Variants in CCDC38 observed in about 807,000 individuals in gnomAD.
CCDC38 encodes the protein coiled-coil domain containing 38, also known as coiled-coil domain-containing protein 38.
CCDC38 carries 69 observed loss-of-function variants against 72.8 expected under a neutral mutation model. The observed-to-expected ratio is 0.95, with a 90% CI of 0.78 to 1.16. CCDC38 has a LOEUF of 1.16. CCDC38 is among the 50% of genes most tolerant of loss of function. The pLI is 0.00. For synonymous variants in CCDC38, 201 were observed against 213.2 expected (o/e 0.94, Z 0.50); for missense variants, 626 against 638.9 (o/e 0.98, Z 0.22).
At chr12:95,919,651 A>C (rs993404176) in intron 2 of CCDC38, 6 of 455,736 alleles carry the variant, frequency 1.3e-5, no homozygotes, top group Non-Finnish European at 2.2e-5. Flanking sequence ...TGATAAAATA[A>C]GGAGGTCTTT....
intron 2 of CCDC38, among the ~76,000 whole-genome samples, chr12:95,919,283 C>G (rs1352792420): frequency 2.0e-5 from 3 of 152,330 alleles, no homozygotes; most frequent in Admixed American, 6.5e-5. Flanking sequence ...GGTACAGAAA[C>G]AGCTGGATTG....
At chr12:95,906,539 T>C (rs929727814) in intron 4 of CCDC38, 88 bp from the exon 5 acceptor site, 21 of 897,906 alleles carry the variant, frequency 2.3e-5, no homozygotes, top group Non-Finnish European at 3.6e-5. Flanking sequence ...TAAATTATTC[T>C]ACAGTATGTA....
At chr12:95,876,856 C>G (rs2079641657) in intron 13 of CCDC38, among the ~76,000 whole-genome samples, 1 of 152,158 alleles carries the variant, frequency 6.6e-6, no homozygotes, top group South Asian at 2.1e-4. Flanking sequence ...CAGGCCAGGT[C>G]TCACTAACGC....
chr12:95,909,626 G>A (rs1242429900), intron 4 of CCDC38, among the ~76,000 whole-genome samples: 1 of 152,032 alleles, frequency 6.6e-6, no homozygotes, highest in South Asian at 2.1e-4. Context: ...CACTATCCTT[G>A]ATGAACATAG....
Position 95,888,902 on chromosome 12 carries a change from T to G in CCDC38, c.872-396A>C, listed in dbSNP as rs554467712. ...GTTTGTCTTTGTGTACGTGGGGTCT[T>G]GAAGAGCACCTGAAACATTTATGTC... is the stretch of plus-strand genomic sequence containing the variant. On this transcript the variant is annotated intron_variant, in intron 9 of 15. Coordinates refer to ENST00000344280, the MANE Select transcript of CCDC38 (RefSeq NM_182496.3). 4.6e-4 allele frequency among the ~76,000 whole-genome samples: 70 copies of G among 151,914 alleles called. 1 individual carries two copies. The highest frequency in any genetic ancestry group is 1.2e-4 in the Non-Finnish European group (8 of 67,978).
chr12:95,900,595 G>A (rs113310108), intron 5 of CCDC38, among the ~76,000 whole-genome samples: 32 of 152,228 alleles, frequency 2.1e-4, no homozygotes, highest in African/African-American at 7.0e-4. Flanking sequence ...TTTTGCTTTT[G>A]GATCTATTTC....
At chr12:95,876,237 T>G (rs2079633809) in intron 13 of CCDC38, among the ~76,000 whole-genome samples, 1 of 152,188 alleles carries the variant, frequency 6.6e-6, no homozygotes, top group African/African-American at 2.4e-5. Context: ...GTGACGTACC[T>G]AGAATAGTCA....
chr12:95,918,688 T>C (rs1203571577), intron 3 of CCDC38, among the ~76,000 whole-genome samples, 188 bp downstream of exon 3: 3 of 152,210 alleles, frequency 2.0e-5, no homozygotes, highest in Non-Finnish European at 2.9e-5. Context: ...GCGATCTTTG[T>C]GCTGCCTACT....
chr12:95,889,213 G>A (rs2079796066), intron 9 of CCDC38: 1 of 156,472 alleles, frequency 6.4e-6, no homozygotes, highest in African/African-American at 2.4e-5. Flanking sequence ...TTTCACCATG[G>A]TGGCCAGGCT....
chr12:95,912,395 G>A (rs1263799340), intron 4 of CCDC38, among the ~76,000 whole-genome samples: 2 of 151,962 alleles, frequency 1.3e-5, no homozygotes, highest in African/African-American at 2.4e-5. Flanking sequence ...TCATCCCTAC[G>A]TGGAAGCTAA....
At position 95,879,798 on chromosome 12, in the gene CCDC38, A is replaced by G; in HGVS notation, c.991-3T>C. ...TCCTTGAAATAAAGTGCTGGCTCCTAATTAATCAATAATGAAGAATATAAT... is the reference window on the plus strand; with the variant it reads ...TCCTTGAAATAAAGTGCTGGCTCCTGATTAATCAATAATGAAGAATATAAT... On this transcript the variant is annotated splice_polypyrimidine_tract_variant and splice_region_variant and intron_variant, in intron 11 of 15. Transcript: ENST00000344280. This position sits in a 1 kb window ranked among gnomAD's most constrained non-coding sequence, Gnocchi z 5.5. 2 of 1,587,988 alleles carry G rather than the reference A, an allele frequency of 1.3e-6. No individual in the cohort carries two copies. The highest frequency in any genetic ancestry group is 2.3e-5 in the South Asian group (2 of 87,356).
rs1432914169 is a variant in CCDC38 at position 95,879,999 on chromosome 12, T to C, written c.991-204A>G. 1 of 350,334 alleles carries C rather than the reference T, an allele frequency of 2.9e-6. No homozygotes were observed. The highest frequency in any genetic ancestry group is 5.1e-6 in the Non-Finnish European group (1 of 194,434). The allele number at this position is 350,334 out of a possible 1,614,324, so 21.7% of individuals were successfully genotyped here. A position where few individuals can be genotyped will look rare whatever the true frequency, so the allele number is the denominator to read the frequency against. On this transcript the variant is annotated intron_variant, in intron 11 of 15. Coordinates refer to ENST00000344280, the MANE Select transcript of CCDC38 (RefSeq NM_182496.3). The surrounding 1 kb of genome is among the most constrained non-coding windows in gnomAD (Gnocchi z 5.5). ...GCACATTTGCAGTGTTGTGGGGAGA[T>C]GAGGGTATTAAAAAAGGGATGGGGA... is the stretch of plus-strand genomic sequence containing the variant.
chr12:95,931,182 A>G (rs528047956), intron 2 of CCDC38, among the ~76,000 whole-genome samples: 8 of 152,302 alleles, frequency 5.3e-5, no homozygotes, highest in African/African-American at 1.7e-4. Context: ...CCAGGTGAGA[A>G]TCAGTTTCCT....
chr12:95,875,464 T>A (rs2079625882), intron 13 of CCDC38, among the ~76,000 whole-genome samples: 1 of 152,150 alleles, frequency 6.6e-6, no homozygotes, highest in Admixed American at 6.5e-5. Flanking sequence ...AGACTAAAAT[T>A]CATTTCATAC....
chr12:95,879,583 G>A lies in CCDC38; in HGVS notation c.1142+61C>T. 8.2e-7 allele frequency: 1 copy of A among 1,226,064 alleles called. No homozygotes were observed. Among genetic ancestry groups the A allele is most frequent in the African/African-American group, 1.5e-5 (1 of 66,422 alleles). 75.9% of individuals were successfully genotyped at this position (1,226,064 alleles called of 1,614,324 possible). A position where few individuals can be genotyped will look rare whatever the true frequency, so the allele number is the denominator to read the frequency against. ...GGAAGAGCCACATGTGAGTGAGTTG[G>A]ACCCAGGCTCTGGTTAGAAATTGCT... is the stretch of plus-strand genomic sequence containing the variant. On this transcript the variant is annotated intron_variant, in intron 12 of 15. Coordinates refer to ENST00000344280, the MANE Select transcript of CCDC38 (RefSeq NM_182496.3). The surrounding 1 kb of genome is among the most constrained non-coding windows in gnomAD (Gnocchi z 5.5).
chr12:95,923,649 G>A (rs1490384115), intron 2 of CCDC38, among the ~76,000 whole-genome samples: 8 of 151,796 alleles, frequency 5.3e-5, no homozygotes, highest in South Asian at 2.1e-4. Context: ...CCACTAACTC[G>A]TCATCTAGCA....
At position 95,925,551 on chromosome 12, in the gene CCDC38, G is replaced by T. The variant is rs183846460; in HGVS notation, c.38-6575C>A. On this transcript the variant is annotated intron_variant, in intron 2 of 15. Transcript: ENST00000344280. ...CTTTATTTCCTTCTCCTGCCTGATTGCCCTGGCCAGAACTTCCAACACGAT... is the reference window on the plus strand; with the variant it reads ...CTTTATTTCCTTCTCCTGCCTGATTTCCCTGGCCAGAACTTCCAACACGAT... 9.9e-3 allele frequency among the ~76,000 whole-genome samples: 1,497 copies of T among 151,508 alleles called. 11 individuals carry two copies. The highest frequency in any genetic ancestry group is 0.034 in the African/African-American group (1,404 of 40,858).
At chr12:95,928,585 A>T (rs1042058254) in intron 2 of CCDC38, among the ~76,000 whole-genome samples, 72 of 152,340 alleles carry the variant, frequency 4.7e-4, no homozygotes, top group African/African-American at 1.7e-3. Context: ...CTGGTGAGGA[A>T]CTGCGTTCCT....
chr12:95,932,605 T>C (rs144740798), intron 2 of CCDC38, among the ~76,000 whole-genome samples: 88 of 152,290 alleles, frequency 5.8e-4, no homozygotes, highest in African/African-American at 2.0e-3. Context: ...CTGCATAACA[T>C]AATCTTAAAA....
Sources: gnomAD v4.1 joint callset for allele counts (sites outside exome capture counted in the v4.1 genomes callset) on GRCh38, gnomAD v4.1.1 for gene constraint, Gnocchi (gnomAD v3.1) non-coding constraint, MANE v1.5 for transcripts, NCBI Gene and HGNC (gene_info 2026-07-23, HGNC 2026-07-21) for gene names.